NPIPB2: variants seen among roughly 807,000 people sequenced by gnomAD.
NPIPB2 encodes nuclear pore complex-interacting protein family member B2.
A neutral mutation model predicts 30.8 loss-of-function variants in NPIPB2; 27 were observed. The ratio of observed to expected loss-of-function variants is 0.88; its 90% CI spans 0.65 to 1.21. NPIPB2 has a LOEUF of 1.21. Ranked by LOEUF, NPIPB2 falls within the 50% of genes most tolerant of loss-of-function variation. The probability of loss-of-function intolerance (pLI) is 0.00; values close to 1 mark genes in which losing one functional copy is unlikely to be tolerated. For missense variants in NPIPB2, 440 were observed against 446.2 expected (o/e 0.99, Z 0.13); for synonymous variants, 147 against 162.0 (o/e 0.91, Z 0.70).
At chr16:11,965,793 T>G (rs887186931) in intron 1 of NPIPB2, among the ~76,000 whole-genome samples, 18 of 152,164 alleles carry the variant, frequency 1.2e-4, no homozygotes, top group Admixed American at 1.1e-3. Flanking sequence ...AATCCATAAT[T>G]CATTATTTTA....
chr16:11,973,465 A>AG (rs2055248226), intron 1 of NPIPB2, among the ~76,000 whole-genome samples: 1 of 152,250 alleles, frequency 6.6e-6, no homozygotes, highest in Non-Finnish European at 1.5e-5. Flanking sequence ...CAGAAAAGGC[A>AG]GATAAACTGG....
At chr16:11,933,850 C>T (rs756594756) in exon 3 of NPIPB2, 2 of 1,578,640 alleles carry the variant, frequency 1.3e-6, no homozygotes, top group East Asian at 2.2e-5. Context: ...GGTTGGACCT[C>T]CTGGCTCTCT....
intron 2 of NPIPB2, among the ~76,000 whole-genome samples, chr16:11,935,400 A>T (rs1596491116): frequency 6.6e-6 from 1 of 151,858 alleles, no homozygotes; most frequent in African/African-American, 2.4e-5. Flanking sequence ...GGCAACCTCC[A>T]CCTCCCAGAT....
chr16:11,933,572 T>C, exon 4 of NPIPB2: 2 of 1,596,590 alleles, frequency 1.3e-6, no homozygotes, highest in Non-Finnish European at 1.7e-6. Context: ...TTGATTTTCG[T>C]TGTCACCTTC....
chr16:11,946,847 G>A (rs1386276925), upstream of NPIPB2, among the ~76,000 whole-genome samples: 1 of 151,750 alleles, frequency 6.6e-6, no homozygotes, highest in Non-Finnish European at 1.5e-5. Flanking sequence ...CGCCTCCTGA[G>A]TAGCTGAGAT....
At chr16:11,942,724 G>A (rs1349712054), upstream of NPIPB2, among the ~76,000 whole-genome samples, 4 of 151,174 alleles carry the variant, frequency 2.6e-5, no homozygotes, top group Non-Finnish European at 4.4e-5. Flanking sequence ...TGTGTGATGG[G>A]TGGGGAGCTC....
intron 1 of NPIPB2, among the ~76,000 whole-genome samples, chr16:11,973,501 C>T (rs2055248472): frequency 6.6e-6 from 1 of 152,206 alleles, no homozygotes; most frequent in African/African-American, 2.4e-5. Flanking sequence ...GTTTTACTGA[C>T]TTGTACCCTG....
chr16:11,957,234 G>A (rs1456446250), intron 1 of NPIPB2, among the ~76,000 whole-genome samples: 3 of 149,048 alleles, frequency 2.0e-5, no homozygotes, highest in Non-Finnish European at 4.4e-5. Flanking sequence ...GTGTGATCTC[G>A]GTTCACTGCA....
In NPIPB2 at chr16:11,934,857, C is replaced by CAA. The variant is rs200493261; in HGVS notation, c.193-935_193-934dup. The stretch of plus-strand genomic sequence containing the variant: ...CTGGTGACAGAGTGAGACTCTGTCT[C>CAA]AAAAAAAAAAAAAAAAAATGACCTG... On this transcript the variant is annotated intron_variant, in intron 2 of 7. Transcript: ENST00000399147. 3.6e-3 allele frequency among the ~76,000 whole-genome samples: 354 copies of CAA among 97,602 alleles called. 2 individuals carry two copies. The highest frequency in any genetic ancestry group is 5.4e-3 in the Non-Finnish European group (277 of 50,922). 64.0% of individuals were successfully genotyped at this position (97,602 alleles called of 152,430 possible).
chr16:11,963,810 TG>T (rs35232039), intron 1 of NPIPB2: 148,107 of 152,224 alleles, frequency 0.97, 72,183 homozygotes, highest in East Asian at 1. Flanking sequence ...CCGAGGTGGG[TG>T]GATCACTTGA....
intron 1 of NPIPB2, chr16:11,967,666 A>G: frequency 3.1e-6 from 5 of 1,614,178 alleles, no homozygotes; most frequent in Non-Finnish European, 4.2e-6. Context: ...ACGGTGGAAG[A>G]ATGCACCTGT....
At chr16:11,962,288 G>A (rs1201545731) in intron 1 of NPIPB2, among the ~76,000 whole-genome samples, 1 of 150,354 alleles carries the variant, frequency 6.7e-6, no homozygotes, top group African/African-American at 2.4e-5. Flanking sequence ...ATCACGAGGT[G>A]AGGGGATTGA....
rs113290872 is a variant in NPIPB2 at position 11,948,315 on chromosome 16, C to A, written c.-583-6201G>T. ...CCTGTCATCAAGCACCAATGGCTGC[C>A]GATACCACAAAGAGACAATTGGTCA... On this transcript the variant is annotated intron_variant, in intron 1 of 5. Coordinates refer to the NPIPB2 transcript ENST00000538896. Among the ~76,000 whole-genome samples, 1,050 of 152,108 alleles carry A rather than the reference C, an allele frequency of 6.9e-3. 11 individuals carry two copies. Among genetic ancestry groups the A allele is most frequent in the African/African-American group, 0.024 (1,003 of 41,506 alleles).
intron 1 of NPIPB2, among the ~76,000 whole-genome samples, chr16:11,938,409 C>A (rs1372131667): frequency 6.6e-6 from 1 of 152,120 alleles, no homozygotes; most frequent in Non-Finnish European, 1.5e-5. Flanking sequence ...CGGCTCACTG[C>A]AACCTCTGCC....
At chr16:11,968,131 G>C (rs949729898) in intron 1 of NPIPB2, 1 of 341,170 alleles carries the variant, frequency 2.9e-6, no homozygotes, top group Non-Finnish European at 5.3e-6. Flanking sequence ...TGGGGGGTGA[G>C]GGTGGGAGAG....
At chr16:11,941,740 C>A in intron 1 of NPIPB2, 2 of 840,676 alleles carry the variant, frequency 2.4e-6, no homozygotes, top group Non-Finnish European at 3.8e-6. Flanking sequence ...TCACAATGGA[C>A]ATGCCAAGTA....
upstream of NPIPB2, among the ~76,000 whole-genome samples, chr16:11,942,562 T>G: frequency 1.3e-5 from 2 of 152,204 alleles, no homozygotes; most frequent in East Asian, 1.9e-4. Flanking sequence ...GACTTTAAAT[T>G]CTGAACCCAA....
At chr16:11,976,611 C>G in exon 1 of NPIPB2, 1 of 369,158 alleles carries the variant, frequency 2.7e-6, no homozygotes, top group Non-Finnish European at 4.8e-6. Flanking sequence ...CTCTCCACAC[C>G]GGGTCCGGCG....
chr16:11,959,667 TCTTTA>T (rs2055140072), intron 1 of NPIPB2, among the ~76,000 whole-genome samples: 1 of 152,228 alleles, frequency 6.6e-6, no homozygotes, highest in African/African-American at 2.4e-5. Context: ...TCTTTTTCTT[TCTTTA>T]GATTTTGTCT....
Sources: allele counts gnomAD v4.1 joint callset (sites outside exome capture counted in the v4.1 genomes callset), GRCh38; gene constraint gnomAD v4.1.1; transcripts MANE v1.5; gene names NCBI Gene and HGNC (gene_info 2026-07-23, HGNC 2026-07-21).